The following DNMT3A variants were observed in gnomAD, a reference collection of about 807,000 sequenced individuals.
DNMT3A encodes the protein DNA (cytosine-5)-methyltransferase 3A.
Under a neutral mutation model 117.6 loss-of-function variants are expected in DNMT3A, and 267 were observed. The ratio of observed to expected loss-of-function variants is 2.27; its 90% CI spans 2.05 to 2.51. The LOEUF is 2.51. Among genes scored for constraint, DNMT3A ranks in the 30% most tolerant of loss-of-function variants. The pLI is 0.00. For missense variants in DNMT3A, 1,029 were observed against 1,260.2 expected, an observed-to-expected ratio of 0.82 and a Z score of 2.78; for synonymous variants, 432 against 474.8, an observed-to-expected ratio of 0.91 and a Z score of 1.17.
intron 1 of DNMT3A, among the ~76,000 whole-genome samples, chr2:25,334,632 A>G (rs1190823749): frequency 6.6e-6 from 1 of 152,256 alleles, no homozygotes; most frequent in Non-Finnish European, 1.5e-5. Context: ...GCCATCCTAT[A>G]AAGCTAACTT....
At position 25,234,526 on chromosome 2, in the gene DNMT3A, A is replaced by C; in HGVS notation, c.2598-106T>G. On this transcript the variant is annotated intron_variant, in intron 22 of 22. Transcript: ENST00000321117. The surrounding 1 kb of genome is among the most constrained non-coding windows in gnomAD (Gnocchi z 4.5). ...ACCCGGAGGACCAGCAGCCACCCGAAGTGCAGGGACAGGGGCACTCACACC... is the reference window on the plus strand; with the variant it reads ...ACCCGGAGGACCAGCAGCCACCCGACGTGCAGGGACAGGGGCACTCACACC... The C allele has an allele frequency of 7.3e-7, 1 of 1,361,254 alleles. No homozygotes were observed. Among genetic ancestry groups the C allele is most frequent in the South Asian group, 1.6e-5 (1 of 64,008 alleles). 84.3% of individuals were successfully genotyped at this position (1,361,254 alleles called of 1,614,324 possible).
intron 16 of DNMT3A, 53 bp downstream of exon 16, chr2:25,243,845 C>T (rs1289277103): frequency 2.6e-6 from 4 of 1,544,062 alleles, no homozygotes; most frequent in Non-Finnish European, 3.5e-6. Flanking sequence ...ACACACCTGG[C>T]TCCCCCATCC....
At chr2:25,277,149 C>A (rs1370541281) in intron 4 of DNMT3A, among the ~76,000 whole-genome samples, 1 of 152,138 alleles carries the variant, frequency 6.6e-6, no homozygotes, top group Non-Finnish European at 1.5e-5. Context: ...TTGTCGCGGG[C>A]ACCTGTGCGC....
intron 6 of DNMT3A, among the ~76,000 whole-genome samples, chr2:25,253,933 G>T (rs1050145662): frequency 6.6e-6 from 1 of 152,130 alleles, no homozygotes; most frequent in Non-Finnish European, 1.5e-5. Context: ...TTAGCCAGGC[G>T]TGGTGGCGTG....
chr2:25,250,648 G>A (rs1675410680), intron 6 of DNMT3A, among the ~76,000 whole-genome samples: 1 of 152,190 alleles, frequency 6.6e-6, no homozygotes, highest in Non-Finnish European at 1.5e-5. Flanking sequence ...CCTCAGCTGC[G>A]TCAGCTACCC....
At position 25,338,728 on chromosome 2, in the gene DNMT3A, T is replaced by C. The variant is rs74369317; in HGVS notation, c.-178+3098A>G. Among the ~76,000 whole-genome samples the C allele has an allele frequency of 9.1e-3, 1,383 of 152,256 alleles. 22 individuals are homozygous for C. Among genetic ancestry groups the C allele is most frequent in the African/African-American group, 0.031 (1,270 of 41,536 alleles). On this transcript the variant is annotated intron_variant, in intron 1 of 22. Coordinates refer to ENST00000321117, the MANE Select transcript of DNMT3A (RefSeq NM_022552.5). The stretch of plus-strand genomic sequence containing the variant: ...AGCAGCCCAGGTAAGAGGTATAGCA[T>C]GGGGCATCTTCCCCCGAGTGCAGGC...
rs2035339396 is a variant in DNMT3A at position 25,339,724 on chromosome 2, A to G, written c.-178+2102T>C. Among the ~76,000 whole-genome samples the G allele has an allele frequency of 6.6e-6, 1 of 152,226 alleles. No individual in the cohort carries two copies. The highest frequency in any genetic ancestry group is 2.4e-5 in the African/African-American group (1 of 41,454). On this transcript the variant is annotated intron_variant, in intron 1 of 22. Coordinates refer to ENST00000321117, the MANE Select transcript of DNMT3A (RefSeq NM_022552.5). This position sits in a 1 kb window ranked among gnomAD's most constrained non-coding sequence, Gnocchi z 4.9. ...CCCTACAACCCAACTCTCCAAAGGC[A>G]GGCAGCTCAGAAAACTACCTGGAGA...
At position 25,252,383 on chromosome 2, in the gene DNMT3A, G is replaced by A; in HGVS notation, c.640-4131C>T. 1.7e-6 allele frequency: 1 copy of A among 604,664 alleles called. No individual in the cohort carries two copies. The highest frequency in any genetic ancestry group is 2.6e-6 in the Non-Finnish European group (1 of 389,832). The allele number at this position is 604,664 out of a possible 1,614,324, so 37.5% of individuals were successfully genotyped here. ...ACATTTTCTTTGTCTAGGACTCCAG[G>A]TCACGTGGGCCCCGCTGGAGGGCCT... On this transcript the variant is annotated intron_variant, in intron 6 of 22. Coordinates refer to ENST00000321117, the MANE Select transcript of DNMT3A (RefSeq NM_022552.5). The surrounding 1 kb of genome is among the most constrained non-coding windows in gnomAD (Gnocchi z 5.5).
chr2:25,313,446 G>A (rs141867319), intron 2 of DNMT3A, among the ~76,000 whole-genome samples: 1 of 152,180 alleles, frequency 6.6e-6, no homozygotes, highest in Non-Finnish European at 1.5e-5. Context: ...GTGGGAGGGT[G>A]GGCCCCCGCG....
At chr2:25,303,275 A>C (rs971534747) in intron 2 of DNMT3A, among the ~76,000 whole-genome samples, 2 of 152,238 alleles carry the variant, frequency 1.3e-5, no homozygotes, top group Non-Finnish European at 2.9e-5. Context: ...CCTAAAAATA[A>C]AGACGCTTGA....
At position 25,235,697 on chromosome 2, in the gene DNMT3A, A is replaced by AC. The variant is rs1278001169; in HGVS notation, c.2597+9dup. The stretch of plus-strand genomic sequence containing the variant: ...CACACCGCAGCCAGATGCCAGCACA[A>AC]CCCGGGTACCTTTCCATTTCAGTGC... On this transcript the variant is annotated intron_variant, in intron 22 of 22. Transcript: ENST00000321117. 2 of 1,560,926 alleles carry AC rather than the reference A, an allele frequency of 1.3e-6. No homozygotes were observed. Among genetic ancestry groups the AC allele is most frequent in the Non-Finnish European group, 1.8e-6 (2 of 1,132,900 alleles).
In DNMT3A at chr2:25,231,386, TGG is replaced by T. The variant is rs1672880962; in HGVS notation, c.*2891_*2892del. 6.6e-6 allele frequency: 1 copy of T among 152,192 alleles called. No homozygotes were observed. The allele number at this position is 152,192 out of a possible 1,614,324, so 9.4% of individuals were successfully genotyped here. On this transcript the variant is annotated 3_prime_UTR_variant, in exon 23 of 23. Transcript: ENST00000321117. ...CTGTCAAGAGGTGACAGGAAGCAAC[TGG>T]GCATGATCTTAAACACCAATCTGTC...
chr2:25,290,475 C>G (rs2032671525), intron 3 of DNMT3A, among the ~76,000 whole-genome samples: 1 of 152,190 alleles, frequency 6.6e-6, no homozygotes, highest in Non-Finnish European at 1.5e-5. Flanking sequence ...GCGTGTGCCA[C>G]CACATCCAGC....
intron 16 of DNMT3A, 60 bp from the exon 17 acceptor site, chr2:25,241,767 G>C: frequency 6.3e-7 from 1 of 1,586,638 alleles, no homozygotes; most frequent in Non-Finnish European, 8.6e-7. Flanking sequence ...CCCTGGTCTC[G>C]GCAGGTGAGC....
At position 25,252,018 on chromosome 2, in the gene DNMT3A, C is replaced by T; in HGVS notation, c.640-3766G>A. ...TTGGGGCTCGTGGGCAGGAAGGCGG[C>T]GGGCCAGCACTAAGTCAGCATCTCC... is the stretch of plus-strand genomic sequence containing the variant. On this transcript the variant is annotated intron_variant, in intron 6 of 22. Coordinates refer to ENST00000321117, the MANE Select transcript of DNMT3A (RefSeq NM_022552.5). This position sits in a 1 kb window ranked among gnomAD's most constrained non-coding sequence, Gnocchi z 5.5. The T allele has an allele frequency of 4.0e-6, 3 of 747,008 alleles. No homozygotes were observed. Among genetic ancestry groups the T allele is most frequent in the Non-Finnish European group, 6.0e-6 (3 of 497,134 alleles). The allele number at this position is 747,008 out of a possible 1,614,324, so 46.3% of individuals were successfully genotyped here. A position where few individuals can be genotyped will look rare whatever the true frequency, so the allele number is the denominator to read the frequency against.
intron 1 of DNMT3A, among the ~76,000 whole-genome samples, chr2:25,340,493 C>G (rs1330848422): frequency 6.6e-6 from 1 of 151,830 alleles, no homozygotes; most frequent in Non-Finnish European, 1.5e-5. Flanking sequence ...GCCCTGGACC[C>G]GCGCCAGCCC....
chr2:25,263,754 T>C (rs1170306480), intron 6 of DNMT3A, among the ~76,000 whole-genome samples: 4 of 152,178 alleles, frequency 2.6e-5, no homozygotes, highest in Admixed American at 2.6e-4. Flanking sequence ...TCCTAGAGGA[T>C]TTCTTTGACC....
intron 6 of DNMT3A, among the ~76,000 whole-genome samples, chr2:25,264,520 T>G (rs1273929286): frequency 2.6e-5 from 4 of 151,318 alleles, no homozygotes; most frequent in Non-Finnish European, 4.4e-5. Flanking sequence ...CAGGCTGGAG[T>G]GCAGTGGTGC....
chr2:25,328,834 G>A (rs1391622194), intron 1 of DNMT3A: 2 of 405,858 alleles, frequency 4.9e-6, no homozygotes, highest in Non-Finnish European at 5.3e-6. Context: ...AGGCTCACCT[G>A]CCCCAGATCC....
Sources: gnomAD v4.1 joint callset for allele counts (sites outside exome capture counted in the v4.1 genomes callset) on GRCh38, gnomAD v4.1.1 for gene constraint, Gnocchi (gnomAD v3.1) non-coding constraint, MANE v1.5 for transcripts, NCBI Gene and HGNC (gene_info 2026-07-23, HGNC 2026-07-21) for gene names.